The following KIF13B variants were observed in gnomAD, a reference collection of about 807,000 sequenced individuals.
The protein encoded by KIF13B is kinesin family member 13B.
KIF13B carries 127 observed loss-of-function variants against 222.0 expected under a neutral mutation model. The observed-to-expected ratio is 0.57, with a 90% confidence interval of 0.50 to 0.66. KIF13B has a LOEUF of 0.66. Ranked by LOEUF, KIF13B falls within the 30% of genes least tolerant of loss-of-function variation. The probability of loss-of-function intolerance (pLI) is 0.00; values close to 1 mark genes in which losing one functional copy is unlikely to be tolerated. For synonymous variants in KIF13B, 976 were observed against 919.0 expected, an observed-to-expected ratio of 1.06 and a Z score of -1.12; for missense variants, 2,173 against 2,379.0, an observed-to-expected ratio of 0.91 and a Z score of 1.80.
At chr8:29,222,807 T>C (rs1814820008) in intron 2 of KIF13B, among the ~76,000 whole-genome samples, 1 of 152,118 alleles carries the variant, frequency 6.6e-6, no homozygotes, top group African/African-American at 2.4e-5. Context: ...TTGCTTAACC[T>C]GTTATACACA....
chr8:29,176,313 G>C, intron 9 of KIF13B, 134 bp from the exon 10 acceptor site: 1 of 612,564 alleles, frequency 1.6e-6, no homozygotes, highest in Non-Finnish European at 2.9e-6. Context: ...TTGCCGCTCA[G>C]TTCAAAAGCA....
chr8:29,196,181 T>C lies in KIF13B; in HGVS notation c.162+6A>G. 1.9e-6 allele frequency: 3 copies of C among 1,568,048 alleles called. No individual in the cohort carries two copies. The highest frequency in any genetic ancestry group is 2.6e-6 in the Non-Finnish European group (3 of 1,155,252). ...CAAGCATCACATAACAAACCAAATC[T>C]CTTACCTTCGGCTGGCCCCTGAGCT... On this transcript the variant is annotated splice_donor_region_variant and intron_variant, in intron 3 of 39. Transcript: ENST00000524189.
At chr8:29,130,464 C>T in intron 24 of KIF13B, 69 bp downstream of exon 24, 1 of 1,501,582 alleles carries the variant, frequency 6.7e-7, no homozygotes, top group Non-Finnish European at 9.2e-7. Context: ...AACATTTCCA[C>T]TAAAAAGAAG....
At chr8:29,186,138 T>A (rs1434205580) in intron 6 of KIF13B, among the ~76,000 whole-genome samples, 154 bp downstream of exon 6, 1 of 151,690 alleles carries the variant, frequency 6.6e-6, no homozygotes, top group Non-Finnish European at 1.5e-5. Context: ...AGCCCAGGAG[T>A]TCAAGGCTGA....
chr8:29,097,831 G>A (rs968339906), intron 36 of KIF13B, among the ~76,000 whole-genome samples: 1 of 152,024 alleles, frequency 6.6e-6, no homozygotes, highest in African/African-American at 2.4e-5. Context: ...ATCAGTATCA[G>A]AATAAAAAGA....
intron 2 of KIF13B, among the ~76,000 whole-genome samples, chr8:29,200,262 T>A (rs1380919375): frequency 6.6e-6 from 1 of 152,150 alleles, no homozygotes; most frequent in African/African-American, 2.4e-5. Context: ...AAACAACACC[T>A]TGTCAAAGTG....
intron 37 of KIF13B, among the ~76,000 whole-genome samples, chr8:29,086,095 A>G (rs1808040644): frequency 6.6e-6 from 1 of 152,048 alleles, no homozygotes; most frequent in East Asian, 1.9e-4. Context: ...TTCCTCATAA[A>G]TCATTTTTGA....
rs147944367 is a variant in KIF13B at position 29,177,799 on chromosome 8, A to G, written c.721-221T>C. 3.5e-3 allele frequency among the ~76,000 whole-genome samples: 537 copies of G among 152,264 alleles called. 6 individuals carry two copies. The highest frequency in any genetic ancestry group is 0.012 in the African/African-American group (513 of 41,570). On this transcript the variant is annotated intron_variant, in intron 8 of 39. Transcript: ENST00000524189. ...GTGGCGTGTGCCTGTAGTCCCAGCT[A>G]CTTGGGAAACTGAGGTGGGAGATCA...
At chr8:29,081,049 A>C (rs1017377023) in intron 37 of KIF13B, among the ~76,000 whole-genome samples, 4 of 152,328 alleles carry the variant, frequency 2.6e-5, no homozygotes, top group African/African-American at 9.6e-5. Flanking sequence ...TGCAGCAGAC[A>C]GGGAAACGCT....
chr8:29,102,793 G>A (rs529677781), intron 35 of KIF13B, among the ~76,000 whole-genome samples: 1 of 152,338 alleles, frequency 6.6e-6, no homozygotes, highest in South Asian at 2.1e-4. Context: ...GGAAGGCGAT[G>A]GAGCCAACAC....
In KIF13B at chr8:29,068,927, G is replaced by C. The variant is rs1807124257; in HGVS notation, c.*1577C>G. On this transcript the variant is annotated 3_prime_UTR_variant, in exon 40 of 40. Coordinates refer to ENST00000524189, the MANE Select transcript of KIF13B (RefSeq NM_015254.4). This position sits in a 1 kb window ranked among gnomAD's most constrained non-coding sequence, Gnocchi z 4.4. ...AGGAGTGCCTCCCCCCAGGGGCCGG[G>C]CCCTCTGCCAGCCCGGCCGCAGCCT... is the stretch of plus-strand genomic sequence containing the variant. The C allele has an allele frequency of 6.6e-6, 1 of 152,172 alleles. No individual in the cohort carries two copies. The highest frequency in any genetic ancestry group is 2.4e-5 in the African/African-American group (1 of 41,432). 9.4% of individuals were successfully genotyped at this position (152,172 alleles called of 1,614,324 possible).
rs747292009 is a variant in KIF13B, at chr8:29,146,526, T to C, written c.2039A>G (p.Asn680Ser). The change falls in exon 18 of 40, where the codon AAT becomes AGT. Residue 680 changes from asparagine (N) to serine (S), a missense_variant. By Grantham distance (46) the Asn-to-Ser change is conservative. Transcript: ENST00000524189. ...QWAEEREATLNNSLMRLREQI... is the reference protein window; with the variant it reads ...QWAEEREATLSNSLMRLREQI... ...TTCCCTCAGCCTCATCAGGCTGTTA[T>C]TCAACGTTGCTTCTCTAAAAAAAAA... 1.1e-5 allele frequency: 17 copies of C among 1,613,558 alleles called. No individual in the cohort carries two copies. In the Admixed American group the frequency reaches 2.7e-4, roughly 25 times the overall value.
intron 22 of KIF13B, among the ~76,000 whole-genome samples, chr8:29,132,820 A>G (rs1017369928): frequency 2.6e-5 from 4 of 152,242 alleles, no homozygotes; most frequent in Admixed American, 2.6e-4. Flanking sequence ...TAAAAGTTAT[A>G]TGCAATAAGG....
chr8:29,095,462 G>T (rs1180140279), intron 36 of KIF13B, among the ~76,000 whole-genome samples: 2 of 152,166 alleles, frequency 1.3e-5, no homozygotes, highest in Non-Finnish European at 2.9e-5. Flanking sequence ...TCTCCAGGAG[G>T]ACTGTACTCT....
intron 6 of KIF13B, among the ~76,000 whole-genome samples, chr8:29,182,468 G>A (rs948312649): frequency 6.6e-6 from 1 of 152,032 alleles, no homozygotes; most frequent in Non-Finnish European, 1.5e-5. Context: ...ATCCACCATT[G>A]GAAAAAAGAG....
intron 15 of KIF13B, among the ~76,000 whole-genome samples, chr8:29,149,322 A>G (rs1257307735): frequency 6.6e-6 from 1 of 152,160 alleles, no homozygotes; most frequent in Non-Finnish European, 1.5e-5. Context: ...GTGCCCATCT[A>G]CCCTTTTCTC....
intron 2 of KIF13B, among the ~76,000 whole-genome samples, chr8:29,240,205 C>G (rs79562793): frequency 0.058 from 8,823 of 151,050 alleles, 329 homozygotes; most frequent in Admixed American, 0.097. Context: ...TTCGAGTCAC[C>G]CTTCTGGCCT....
chr8:29,201,724 C>T (rs982053780), intron 2 of KIF13B, among the ~76,000 whole-genome samples: 9 of 152,308 alleles, frequency 5.9e-5, no homozygotes, highest in East Asian at 1.9e-4. Context: ...CGCTGTATAA[C>T]GGATGTATAC....
intron 21 of KIF13B, among the ~76,000 whole-genome samples, chr8:29,136,862 C>T (rs1810584194): frequency 3.9e-5 from 5 of 128,244 alleles, no homozygotes; most frequent in East Asian, 2.3e-4. Context: ...TGCAGTGGTT[C>T]GATCTTGGCT....
Sources: gnomAD v4.1 joint callset for allele counts (sites outside exome capture counted in the v4.1 genomes callset) on GRCh38, gnomAD v4.1.1 for gene constraint, Gnocchi (gnomAD v3.1) non-coding constraint, MANE v1.5 for transcripts, NCBI Gene and HGNC (gene_info 2026-07-23, HGNC 2026-07-21) for gene names.